Variants in CDH2 observed in about 807,000 individuals in gnomAD.
CDH2 encodes cadherin-2.
CDH2 carries 17 observed loss-of-function variants against 92.0 expected under a neutral mutation model. That is an observed-to-expected ratio of 0.18 (90% CI 0.13 to 0.28). The LOEUF (loss-of-function observed/expected upper bound fraction) is 0.28. CDH2 is among the 10% of genes least tolerant of loss of function. The pLI is 1.00. For synonymous variants in CDH2, 419 were observed against 415.9 expected (o/e 1.01, Z -0.09); for missense variants, 862 against 1,133.1 (o/e 0.76, Z 3.44).
intron 7 of CDH2, among the ~76,000 whole-genome samples, chr18:28,000,066 C>A (rs1296278813): frequency 2.0e-5 from 3 of 152,102 alleles, no homozygotes; most frequent in African/African-American, 7.2e-5. Context: ...AACCTCTTTT[C>A]TTTATAAATT....
At chr18:28,046,279 A>T (rs867516150) in intron 2 of CDH2, among the ~76,000 whole-genome samples, 1 of 152,194 alleles carries the variant, frequency 6.6e-6, no homozygotes, top group Non-Finnish European at 1.5e-5. Context: ...GCACTTCAAT[A>T]CATTTACACA....
chr18:28,096,614 A>G (rs2015139733), intron 2 of CDH2, among the ~76,000 whole-genome samples: 1 of 152,212 alleles, frequency 6.6e-6, no homozygotes, highest in South Asian at 2.1e-4. Flanking sequence ...TTTATTTGGC[A>G]TTATCTGTAA....
rs567931649 is a variant in CDH2 at position 28,165,024 on chromosome 18, T to C, written c.60+11939A>G. On this transcript the variant is annotated intron_variant, in intron 1 of 15. Transcript: ENST00000269141. The stretch of plus-strand genomic sequence containing the variant: ...ATTTATCTGGTTGTCACACTGAATA[T>C]AGAACAAAGTCTTGCATGCATTAAG... Among the ~76,000 whole-genome samples, 8 of 152,332 alleles carry C rather than the reference T, an allele frequency of 5.3e-5. No individual in the cohort carries two copies. The South Asian group carries it at 1.7e-3, about 32-fold the overall frequency.
intron 2 of CDH2, among the ~76,000 whole-genome samples, chr18:28,020,386 T>C (rs1221554917): frequency 1.3e-5 from 2 of 151,942 alleles, no homozygotes; most frequent in African/African-American, 4.8e-5. Flanking sequence ...ATAGAAACGA[T>C]GTGAAAGGGA....
At chr18:28,126,683 A>G (rs1242918604) in intron 2 of CDH2, among the ~76,000 whole-genome samples, 1 of 152,212 alleles carries the variant, frequency 6.6e-6, no homozygotes, top group African/African-American at 2.4e-5. Flanking sequence ...TTAAATAAAG[A>G]GAGTGAGTGC....
At chr18:28,122,873 T>C (rs2015614783) in intron 2 of CDH2, among the ~76,000 whole-genome samples, 1 of 152,150 alleles carries the variant, frequency 6.6e-6, no homozygotes, top group South Asian at 2.1e-4. Context: ...ATGAATTATT[T>C]AACAGTCATG....
chr18:28,126,594 G>A (rs1010935040), intron 2 of CDH2, among the ~76,000 whole-genome samples: 1 of 151,856 alleles, frequency 6.6e-6, no homozygotes, highest in African/African-American at 2.4e-5. Context: ...ATAAAATAAG[G>A]TCAGGGGGCT....
chr18:28,116,075 T>G (rs2015491007), intron 2 of CDH2, among the ~76,000 whole-genome samples: 1 of 152,188 alleles, frequency 6.6e-6, no homozygotes, highest in African/African-American at 2.4e-5. Flanking sequence ...ACCTGTGAAT[T>G]CTAATGGGTA....
At chr18:28,160,303 A>G (rs887371466) in intron 1 of CDH2, among the ~76,000 whole-genome samples, 7 of 152,128 alleles carry the variant, frequency 4.6e-5, no homozygotes, top group Admixed American at 2.6e-4. Context: ...AGCTGCCGCA[A>G]TTTGGCCTTG....
chr18:27,994,788 A>G (rs2143983041), intron 7 of CDH2, among the ~76,000 whole-genome samples: 1 of 152,164 alleles, frequency 6.6e-6, no homozygotes, highest in South Asian at 2.1e-4. Flanking sequence ...GGGAGGGGCA[A>G]AGAAAAGAAA....
At chr18:27,965,990 G>GAAAAAAAAAAAA (rs373927434) in intron 14 of CDH2, among the ~76,000 whole-genome samples, 2 of 58,660 alleles carry the variant, frequency 3.4e-5, no homozygotes, top group Non-Finnish European at 5.9e-5. Flanking sequence ...TGTCTAAAAG[G>GAAAAAAAAAAAA]AAAAAAAAAA....
At chr18:27,967,678 A>G (rs765409522) in intron 14 of CDH2, among the ~76,000 whole-genome samples, 1 of 152,218 alleles carries the variant, frequency 6.6e-6, no homozygotes, top group Non-Finnish European at 1.5e-5. Flanking sequence ...GTTAATTGGC[A>G]ATCATCATTA....
intron 1 of CDH2, among the ~76,000 whole-genome samples, chr18:28,158,758 CTATGT>C (rs2016260515): frequency 6.6e-6 from 1 of 152,146 alleles, no homozygotes; most frequent in African/African-American, 2.4e-5. Flanking sequence ...TTTCCAGAGG[CTATGT>C]TATGTGTGAT....
In CDH2 at chr18:28,006,228, C is replaced by T. The variant is rs182829824; in HGVS notation, c.703-235G>A. 2.4e-4 allele frequency among the ~76,000 whole-genome samples: 36 copies of T among 152,254 alleles called. No individual in the cohort carries two copies. In the East Asian group the frequency reaches 5.4e-3, roughly 23 times the overall value. ...GTTCTCAGAGCACAATGGATTTTAA[C>T]TCCTTTAATTCACGTACAAAAGAGT... On this transcript the variant is annotated intron_variant, in intron 5 of 15. Coordinates refer to ENST00000269141, the MANE Select transcript of CDH2 (RefSeq NM_001792.5).
intron 15 of CDH2, among the ~76,000 whole-genome samples, chr18:27,959,157 A>C (rs2011332915): frequency 6.6e-6 from 1 of 152,210 alleles, no homozygotes; most frequent in African/African-American, 2.4e-5. Flanking sequence ...GATTAAATGA[A>C]TTTGTTTGAA....
intron 14 of CDH2, among the ~76,000 whole-genome samples, chr18:27,974,809 A>G (rs567361807): frequency 2.0e-5 from 3 of 152,172 alleles, no homozygotes; most frequent in Non-Finnish European, 4.4e-5. Context: ...TATATGAAGC[A>G]CAGAGTAAGC....
At chr18:28,030,536 A>G (rs2013667940) in intron 2 of CDH2, among the ~76,000 whole-genome samples, 1 of 152,074 alleles carries the variant, frequency 6.6e-6, no homozygotes, top group Non-Finnish European at 1.5e-5. Context: ...GGCCAGGATC[A>G]AAAACAAGAT....
chr18:27,993,773 G>A (rs1006003713), intron 7 of CDH2, 136 bp from the exon 8 acceptor site: 16 of 674,538 alleles, frequency 2.4e-5, no homozygotes, highest in Admixed American at 1.7e-4. Context: ...TTGAAATTTC[G>A]CAAGTGGAGT....
At chr18:28,085,762 C>T (rs79512039) in intron 2 of CDH2, among the ~76,000 whole-genome samples, 2,596 of 152,212 alleles carry the variant, frequency 0.017, 38 homozygotes, top group Middle Eastern at 0.037. Context: ...CCTAGAGTCA[C>T]GGTAATCCTT....
Sources: allele counts gnomAD v4.1 joint callset (sites outside exome capture counted in the v4.1 genomes callset), GRCh38; gene constraint gnomAD v4.1.1; transcripts MANE v1.5; gene names NCBI Gene and HGNC (gene_info 2026-07-23, HGNC 2026-07-21).